FSTL4: variants seen among roughly 807,000 people sequenced by gnomAD.
The protein encoded by FSTL4 is follistatin like 4, also known as follistatin-related protein 4.
Under a neutral mutation model 78.2 loss-of-function variants are expected in FSTL4, and 28 were observed. The observed-to-expected ratio is 0.36, with a 90% CI of 0.27 to 0.49. The LOEUF is 0.49. Ranked by LOEUF, FSTL4 falls within the 20% of genes least tolerant of loss-of-function variation. The pLI is 0.98. For synonymous variants in FSTL4, 422 were observed against 440.5 expected (o/e 0.96, Z 0.53); for missense variants, 922 against 1,084.9 (o/e 0.85, Z 2.11).
At chr5:133,344,544 T>C (rs942358288) in intron 4 of FSTL4, among the ~76,000 whole-genome samples, 10 of 152,238 alleles carry the variant, frequency 6.6e-5, no homozygotes, top group Admixed American at 6.5e-4. Context: ...TTGTTCTCTT[T>C]CTTCATCTTC....
chr5:133,216,415 C>T (rs1050743840), intron 13 of FSTL4, among the ~76,000 whole-genome samples: 6 of 141,734 alleles, frequency 4.2e-5, no homozygotes, highest in Admixed American at 1.4e-4. Context: ...CTCGGCCTCC[C>T]GTCAAGTGAT....
At chr5:133,648,555 A>G in the FSTL4 span, among the ~76,000 whole-genome samples, 2 of 152,134 alleles carry the variant, frequency 1.3e-5, no homozygotes, top group Admixed American at 1.3e-4. Context: ...GGTACATCCA[A>G]CACAATTCTA....
At chr5:133,218,052 G>A (rs1484528911) in intron 12 of FSTL4, among the ~76,000 whole-genome samples, 1 of 152,014 alleles carries the variant, frequency 6.6e-6, no homozygotes, top group Non-Finnish European at 1.5e-5. Flanking sequence ...CCTCTTCCCC[G>A]AACTCTAGAC....
chr5:133,689,492 G>C, the FSTL4 span, among the ~76,000 whole-genome samples: 1 of 152,224 alleles, frequency 6.6e-6, no homozygotes, highest in South Asian at 2.1e-4. Context: ...AGGTACAGTA[G>C]TGGGTATATG....
chr5:133,375,277 T>C (rs1392836072), intron 4 of FSTL4, among the ~76,000 whole-genome samples: 1 of 139,706 alleles, frequency 7.2e-6, no homozygotes, highest in African/African-American at 2.7e-5. Flanking sequence ...ACCCAAAACA[T>C]AGGGTGTGCA....
the FSTL4 span, among the ~76,000 whole-genome samples, chr5:133,624,440 G>C: frequency 6.6e-6 from 1 of 151,916 alleles, no homozygotes; most frequent in African/African-American, 2.4e-5. Flanking sequence ...AGAAGGAATA[G>C]AGAGTAATTA....
At chr5:133,315,667 C>T (rs1753886736) in intron 5 of FSTL4, among the ~76,000 whole-genome samples, 1 of 152,222 alleles carries the variant, frequency 6.6e-6, no homozygotes, top group Admixed American at 6.5e-5. Flanking sequence ...ACTCTCCTTG[C>T]AGATCTTGTA....
intron 3 of FSTL4, among the ~76,000 whole-genome samples, chr5:133,559,458 G>A (rs1441232640): frequency 1.3e-5 from 2 of 152,188 alleles, no homozygotes; most frequent in Admixed American, 1.3e-4. Flanking sequence ...TATACAGGGA[G>A]CACCATCATC....
chr5:133,733,395 T>A, the FSTL4 span, among the ~76,000 whole-genome samples: 7 of 152,220 alleles, frequency 4.6e-5, no homozygotes, highest in Non-Finnish European at 1.0e-4. Context: ...GGGTACCTCC[T>A]GATATTCATA....
chr5:133,510,945 C>T (rs933448281), intron 3 of FSTL4, among the ~76,000 whole-genome samples: 1 of 152,184 alleles, frequency 6.6e-6, no homozygotes, highest in Admixed American at 6.5e-5. Context: ...GTATAGCTCT[C>T]GGGCTGGCCC....
the FSTL4 span, among the ~76,000 whole-genome samples, chr5:133,633,510 T>C: frequency 6.6e-6 from 1 of 152,218 alleles, no homozygotes; most frequent in South Asian, 2.1e-4. Context: ...TTTCTCTTTT[T>C]TTCATTGATT....
At chr5:133,413,054 C>T (rs1756510620) in intron 3 of FSTL4, among the ~76,000 whole-genome samples, 1 of 152,052 alleles carries the variant, frequency 6.6e-6, no homozygotes, top group Admixed American at 6.6e-5. Flanking sequence ...TTCTTCTGCT[C>T]ATATAAAAAT....
At chr5:133,569,358 T>C (rs1317677748) in intron 2 of FSTL4, among the ~76,000 whole-genome samples, 1 of 152,266 alleles carries the variant, frequency 6.6e-6, no homozygotes, top group Non-Finnish European at 1.5e-5. Flanking sequence ...AGAAAACCTT[T>C]AGCATTTCCC....
intron 2 of FSTL4, among the ~76,000 whole-genome samples, chr5:133,581,833 T>C (rs1418027796): frequency 6.6e-6 from 1 of 152,268 alleles, no homozygotes; most frequent in Middle Eastern, 3.2e-3. Context: ...TGGGAACCAC[T>C]GGGTTAATCA....
intron 2 of FSTL4, among the ~76,000 whole-genome samples, chr5:133,568,133 A>G (rs930164130): frequency 2.6e-5 from 4 of 152,230 alleles, no homozygotes; most frequent in Admixed American, 2.6e-4. Flanking sequence ...AATTCAGGGT[A>G]GCTCTAGAAG....
chr5:133,778,410 T>A, the FSTL4 span, among the ~76,000 whole-genome samples: 2 of 152,248 alleles, frequency 1.3e-5, no homozygotes, highest in African/African-American at 4.8e-5. Context: ...GATAATTAAT[T>A]TCTGGAAAAA....
chr5:133,392,561 G>A (rs1187999965), intron 4 of FSTL4, among the ~76,000 whole-genome samples: 1 of 152,206 alleles, frequency 6.6e-6, no homozygotes, highest in African/African-American at 2.4e-5. Context: ...GCTAGGTGCA[G>A]ACCCTAGAGG....
At chr5:133,420,985 G>A (rs1412107519) in intron 3 of FSTL4, among the ~76,000 whole-genome samples, 1 of 152,216 alleles carries the variant, frequency 6.6e-6, no homozygotes, top group Non-Finnish European at 1.5e-5. Context: ...ATCCCAGGAT[G>A]GCTCTCTGCT....
At chr5:133,764,054 A>G in the FSTL4 span, among the ~76,000 whole-genome samples, 1 of 152,234 alleles carries the variant, frequency 6.6e-6, no homozygotes, top group Non-Finnish European at 1.5e-5. Flanking sequence ...CCAGGCTCAG[A>G]GGTAACTGTT....
Sources: gnomAD v4.1 joint callset for allele counts (sites outside exome capture counted in the v4.1 genomes callset) on GRCh38, gnomAD v4.1.1 for gene constraint, MANE v1.5 for transcripts, NCBI Gene and HGNC (gene_info 2026-07-23, HGNC 2026-07-21) for gene names.